ALG13: variants seen among roughly 807,000 people sequenced by gnomAD.
The protein encoded by ALG13 is ALG13 UDP-N-acetylglucosaminyltransferase subunit.
Under a neutral mutation model 87.8 loss-of-function variants are expected in ALG13, and 11 were observed. The ratio of observed to expected loss-of-function variants is 0.13; its 90% CI spans 0.08 to 0.21. The LOEUF is 0.21. ALG13 is among the 10% of genes least tolerant of loss of function. ALG13 has a pLI of 1.00. For synonymous variants in ALG13, 320 were observed against 306.3 expected, an observed-to-expected ratio of 1.04 and a Z score of -0.47; for missense variants, 756 against 866.1, an observed-to-expected ratio of 0.87 and a Z score of 1.60.
intron 24 of ALG13, among the ~76,000 whole-genome samples, chrX:111,750,772 A>G (rs1488184354): frequency 1.8e-5 from 2 of 109,899 alleles, no homozygotes; most frequent in African/African-American, 6.6e-5. Flanking sequence ...AGCTCAAGCA[A>G]TTCTCCTGCC....
At chrX:111,753,291 A>G (rs1944921880) in intron 25 of ALG13, 1 of 112,707 alleles carries the variant, frequency 8.9e-6, no homozygotes, top group African/African-American at 3.2e-5. Flanking sequence ...TTTGAGACAC[A>G]GCTAAAGCAG....
chrX:111,689,252 T>C, intron 3 of ALG13: 1 of 749,921 alleles, frequency 1.3e-6, no homozygotes, highest in East Asian at 1.5e-4. Flanking sequence ...TATATCAATG[T>C]TATGTTTTAG....
chrX:111,737,264 A>G (rs1163482496), intron 23 of ALG13, among the ~76,000 whole-genome samples: 3 of 111,790 alleles, frequency 2.7e-5, no homozygotes, highest in Non-Finnish European at 3.8e-5. Flanking sequence ...TTGTCCTGTA[A>G]ATATCATAAT....
At chrX:111,750,246 C>A (rs781242621) in intron 24 of ALG13, among the ~76,000 whole-genome samples, 39 of 111,292 alleles carry the variant, frequency 3.5e-4, no homozygotes, top group Non-Finnish European at 5.5e-4. Context: ...TTCTCCCTGG[C>A]CTTAGCAATC....
chrX:111,728,233 G>A lies in ALG13; in HGVS notation c.2296G>A (p.Val766Ile). 1.7e-6 allele frequency: 2 copies of A among 1,211,420 alleles called. No individual in the cohort carries two copies. The highest frequency in any genetic ancestry group is 2.2e-6 in the Non-Finnish European group (2 of 895,207). ...TMVPATSGYC[V>I]GRRGHSSGKQ... Reference sequence around the variant, plus strand: ...GGTTCCTGCTACTTCAGGATACTGTGTTGGAAGGCGGGGACATAGCTCAGG... The same window carrying A: ...GGTTCCTGCTACTTCAGGATACTGTATTGGAAGGCGGGGACATAGCTCAGG... Residue 766 changes from valine (V) to isoleucine (I), a missense_variant, in exon 19 of 27, where the codon GTT (valine) becomes ATT (isoleucine). By Grantham distance (29) the Val-to-Ile change is conservative (BLOSUM62 3). Around this residue, in one of 9 missense-constraint regions of ALG13, gnomAD observed 362 missense variants for 383.5 expected, o/e 0.94. Transcript: ENST00000394780.
At chrX:111,730,265 G>A (rs1464986829) in intron 19 of ALG13, 130 bp from the exon 20 acceptor site, 1 of 519,505 alleles carries the variant, frequency 1.9e-6, no homozygotes, top group East Asian at 3.6e-5. Context: ...CACTTTTCAG[G>A]ATGTATGCAT....
chrX:111,742,723 A>ACCTTGG (rs2148386575), intron 23 of ALG13, among the ~76,000 whole-genome samples: 1 of 112,166 alleles, frequency 8.9e-6, no homozygotes, highest in Admixed American at 9.4e-5. Flanking sequence ...ATCTCACCAC[A>ACCTTGG]CCTTGGCCTT....
chrX:111,708,751 A>T (rs1409455155), intron 4 of ALG13, among the ~76,000 whole-genome samples: 1 of 111,783 alleles, frequency 8.9e-6, no homozygotes, highest in Non-Finnish European at 1.9e-5. Flanking sequence ...CTGTGCACAT[A>T]AGGAGTAGAA....
intron 24 of ALG13, 98 bp downstream of exon 24, chrX:111,745,002 A>G (rs1944112062): frequency 4.1e-6 from 3 of 736,469 alleles, no homozygotes; most frequent in South Asian, 2.4e-5. Flanking sequence ...ATGGGGAACC[A>G]AATGAAAATT....
At chrX:111,752,103 T>TAA (rs749880175) in intron 24 of ALG13, among the ~76,000 whole-genome samples, 6 of 111,658 alleles carry the variant, frequency 5.4e-5, no homozygotes, top group South Asian at 3.8e-4. Context: ...GTACTGTATA[T>TAA]AAGTGCTAGT....
intron 22 of ALG13, among the ~76,000 whole-genome samples, chrX:111,735,946 G>GA (rs377589539): frequency 0.011 from 1,087 of 102,477 alleles, 11 homozygotes; most frequent in African/African-American, 0.035. Flanking sequence ...GGCCTAAGCA[G>GA]AAAAAAAAAA....
rs930738275 is a variant in ALG13 at position 111,728,375 on chromosome X, G to T, written c.2368+70G>T. 6 of 1,139,099 alleles carry T rather than the reference G, an allele frequency of 5.3e-6. No individual in the cohort carries two copies. In the Admixed American group the frequency reaches 1.5e-4, roughly 29 times the overall value. The allele number at this position is 1,139,099 out of a possible 1,213,427, so 93.9% of individuals were successfully genotyped here. On this transcript the variant is annotated intron_variant, in intron 19 of 26. Transcript: ENST00000394780. ...ATTAGCACATCAGGCCAGTGAAGTAGACCAATTTGGTTTTGGCGTCTCTCT... is the reference window on the plus strand; with the variant it reads ...ATTAGCACATCAGGCCAGTGAAGTATACCAATTTGGTTTTGGCGTCTCTCT...
At position 111,760,276 on chromosome X, in the gene ALG13, T is replaced by C. The variant is rs1339811795; in HGVS notation, c.*277T>C. The C allele has an allele frequency of 3.5e-6, 1 of 288,855 alleles. No homozygotes were observed. The highest frequency in any genetic ancestry group is 6.0e-6 in the Non-Finnish European group (1 of 166,869). 23.8% of individuals were successfully genotyped at this position (288,855 alleles called of 1,213,427 possible). A position where few individuals can be genotyped will look rare whatever the true frequency, so the allele number is the denominator to read the frequency against. Reference sequence around the variant, plus strand: ...TTTTCCTGTCAGCCATTTGTCAGCTTTATATTAGCTGATGGTACCAATTGA... The same window carrying C: ...TTTTCCTGTCAGCCATTTGTCAGCTCTATATTAGCTGATGGTACCAATTGA... On this transcript the variant is annotated 3_prime_UTR_variant, in exon 27 of 27. Coordinates refer to ENST00000394780, the MANE Select transcript of ALG13 (RefSeq NM_001099922.3).
chrX:111,728,159 AGT>A (rs757486083), intron 18 of ALG13, 24 bp from the exon 19 acceptor site: 3 of 1,204,742 alleles, frequency 2.5e-6, no homozygotes, highest in East Asian at 5.9e-5. Context: ...TGAGAACTGC[AGT>A]GTGTGTGTGT....
At chrX:111,689,817 G>A in intron 3 of ALG13, 1 of 753,322 alleles carries the variant, frequency 1.3e-6, no homozygotes, top group Non-Finnish European at 1.6e-6. Flanking sequence ...ATAGTTGTTT[G>A]CCTAGTGTTC....
At chrX:111,729,746 G>A (rs1358445090) in intron 19 of ALG13, among the ~76,000 whole-genome samples, 1 of 111,754 alleles carries the variant, frequency 8.9e-6, no homozygotes, top group Non-Finnish European at 1.9e-5. Context: ...AATCTTAAAA[G>A]TACTTCAGTC....
At chrX:111,757,858 C>A in intron 26 of ALG13, 96 bp downstream of exon 26, 1 of 830,866 alleles carries the variant, frequency 1.2e-6, no homozygotes, top group Non-Finnish European at 1.7e-6. Context: ...GGTCCATGTA[C>A]TACACCAGTG....
rs1203796514 is a variant in ALG13, at chrX:111,686,031, G to A, written c.383+928G>A. The A allele has an allele frequency of 6.2e-6, 3 of 481,737 alleles. No individual in the cohort carries two copies. The African/African-American group carries it at 7.5e-5, about 12-fold the overall frequency. The allele number at this position is 481,737 out of a possible 1,213,427, so 39.7% of individuals were successfully genotyped here. ...AAGCCATTGAAGTATTTTAAGCAGA[G>A]AAATTATGGTAAGGAGTATTATTTT... On this transcript the variant is annotated intron_variant, in intron 3 of 26. Coordinates refer to ENST00000394780, the MANE Select transcript of ALG13 (RefSeq NM_001099922.3).
chrX:111,754,439 G>A (rs1231129280), intron 25 of ALG13, among the ~76,000 whole-genome samples: 1 of 111,468 alleles, frequency 9.0e-6, no homozygotes, highest in African/African-American at 3.3e-5. Flanking sequence ...TCAGGTAAGA[G>A]AAAGAAAGAA....
Sources: gnomAD v4.1 joint callset for allele counts (sites outside exome capture counted in the v4.1 genomes callset) on GRCh38, gnomAD v4.1.1 for gene constraint, gnomAD v4.1.1 regional missense constraint, MANE v1.5 for transcripts, NCBI Gene and HGNC (gene_info 2026-07-23, HGNC 2026-07-21) for gene names.